The following INPP4B variants were observed in gnomAD, a reference collection of about 807,000 sequenced individuals.
INPP4B encodes inositol polyphosphate 4-phosphatase type II.
In INPP4B, 55 loss-of-function variants were observed where a neutral mutation model predicts 122.5. The ratio of observed to expected loss-of-function variants is 0.45; its 90% CI spans 0.36 to 0.56. The LOEUF (loss-of-function observed/expected upper bound fraction) is 0.56. Among genes scored for constraint, INPP4B ranks in the 20% least tolerant of loss-of-function variants. The pLI, the probability that INPP4B is intolerant of heterozygous loss-of-function variation, is 0.00. For missense variants in INPP4B, 1,000 were observed against 1,097.7 expected, an observed-to-expected ratio of 0.91 and a Z score of 1.26; for synonymous variants, 403 against 388.7, an observed-to-expected ratio of 1.04 and a Z score of -0.43.
chr4:142,791,727 G>A (rs151251159), intron 1 of INPP4B, among the ~76,000 whole-genome samples: 18 of 152,016 alleles, frequency 1.2e-4, no homozygotes, highest in South Asian at 6.2e-4. Flanking sequence ...TTCTTTTTGC[G>A]TTCGTTTTCA....
At chr4:142,355,904 A>G (rs939957561) in intron 7 of INPP4B, among the ~76,000 whole-genome samples, 1 of 151,644 alleles carries the variant, frequency 6.6e-6, no homozygotes, top group African/African-American at 2.4e-5. Flanking sequence ...TCACTTCTTC[A>G]ACTACTGAGT....
intron 2 of INPP4B, among the ~76,000 whole-genome samples, chr4:142,497,785 G>T (rs1822783474): frequency 6.6e-6 from 1 of 152,110 alleles, no homozygotes; most frequent in Non-Finnish European, 1.5e-5. Flanking sequence ...TAGAAAGCCT[G>T]TAGCATTCTT....
intron 2 of INPP4B, among the ~76,000 whole-genome samples, chr4:142,651,931 A>G (rs1413633793): frequency 6.6e-6 from 1 of 152,320 alleles, no homozygotes; most frequent in Non-Finnish European, 1.5e-5. Flanking sequence ...AAAGAATTTT[A>G]GACCAATACC....
chr4:142,647,636 C>T (rs1361011374), intron 2 of INPP4B, among the ~76,000 whole-genome samples: 1 of 152,168 alleles, frequency 6.6e-6, no homozygotes, highest in African/African-American at 2.4e-5. Flanking sequence ...AAATACCTAG[C>T]TAGAGAGAGG....
At chr4:142,751,336 T>C (rs1303885142) in intron 1 of INPP4B, among the ~76,000 whole-genome samples, 1 of 149,372 alleles carries the variant, frequency 6.7e-6, no homozygotes, top group East Asian at 2.0e-4. Context: ...ACCTCAAGTA[T>C]GGAGAGGGAG....
intron 1 of INPP4B, among the ~76,000 whole-genome samples, chr4:142,803,392 G>A (rs1023270751): frequency 4.6e-5 from 7 of 151,596 alleles, no homozygotes; most frequent in African/African-American, 1.7e-4. Flanking sequence ...GACATGAAAA[G>A]TGCTGAATAT....
In INPP4B at chr4:142,091,647, A is replaced by G. The variant is rs148914517; in HGVS notation, c.2375-5391T>C. On this transcript the variant is annotated intron_variant, in intron 23 of 25. Coordinates refer to ENST00000262992, the MANE Select transcript of INPP4B (RefSeq NM_001101669.3). Reference sequence around the variant, plus strand: ...CCATGACTATTCTCGTACCTCCCCAATGGAACAGAACAATCAAGTTGAGAG... The same window carrying G: ...CCATGACTATTCTCGTACCTCCCCAGTGGAACAGAACAATCAAGTTGAGAG... Among the ~76,000 whole-genome samples the G allele has an allele frequency of 5.2e-3, 788 of 152,266 alleles. 9 individuals carry two copies. Among genetic ancestry groups the G allele is most frequent in the African/African-American group, 0.018 (744 of 41,564 alleles).
intron 11 of INPP4B, among the ~76,000 whole-genome samples, chr4:142,251,040 C>T (rs1731755411): frequency 6.6e-6 from 1 of 152,102 alleles, no homozygotes; most frequent in Non-Finnish European, 1.5e-5. Flanking sequence ...ACACTTATGC[C>T]TTACAGAGTT....
Position 142,643,406 on chromosome 4 carries a change from A to G in INPP4B, c.-191+82433T>C, listed in dbSNP as rs766693175. 5.3e-5 allele frequency among the ~76,000 whole-genome samples: 8 copies of G among 152,300 alleles called. No homozygotes were observed. The South Asian group carries it at 6.2e-4, about 12-fold the overall frequency. ...ATCCAGTAAAACTATAAAGAAAAAC[A>G]AAAGATGTGAATAAAACAAAGTAAT... On this transcript the variant is annotated intron_variant, in intron 2 of 25. Coordinates refer to ENST00000262992, the MANE Select transcript of INPP4B (RefSeq NM_001101669.3).
intron 2 of INPP4B, among the ~76,000 whole-genome samples, chr4:142,475,462 T>C (rs550142623): frequency 1.2e-4 from 19 of 152,148 alleles, no homozygotes; most frequent in African/African-American, 4.1e-4. Flanking sequence ...ACAACCATAC[T>C]ACTTACCCAG....
At chr4:142,821,088 A>G (rs568648521) in intron 1 of INPP4B, among the ~76,000 whole-genome samples, 1 of 152,258 alleles carries the variant, frequency 6.6e-6, no homozygotes, top group East Asian at 1.9e-4. Flanking sequence ...TTATCTTCAC[A>G]ATATGCAGGC....
At chr4:142,808,056 C>T (rs932823791) in intron 1 of INPP4B, among the ~76,000 whole-genome samples, 1 of 151,238 alleles carries the variant, frequency 6.6e-6, no homozygotes, top group Non-Finnish European at 1.5e-5. Flanking sequence ...TGAACTCTTG[C>T]TATTTCTCTA....
intron 2 of INPP4B, among the ~76,000 whole-genome samples, chr4:142,556,956 A>T (rs1416125754): frequency 6.6e-6 from 1 of 152,210 alleles, no homozygotes; most frequent in African/African-American, 2.4e-5. Flanking sequence ...TATTAGATAC[A>T]TCAAAACCGA....
intron 7 of INPP4B, among the ~76,000 whole-genome samples, chr4:142,389,554 G>A (rs538799540): frequency 1.3e-5 from 2 of 152,294 alleles, no homozygotes; most frequent in Admixed American, 1.3e-4. Flanking sequence ...TTTGTTGAAT[G>A]CTTTAAGATC....
At chr4:142,138,150 T>C (rs947170894) in intron 18 of INPP4B, among the ~76,000 whole-genome samples, 4 of 151,386 alleles carry the variant, frequency 2.6e-5, no homozygotes, top group South Asian at 2.1e-4. Context: ...TGTCCAACAA[T>C]GATAGACTGG....
intron 23 of INPP4B, among the ~76,000 whole-genome samples, chr4:142,104,737 A>C (rs1345225193): frequency 6.6e-6 from 1 of 152,042 alleles, no homozygotes; most frequent in East Asian, 1.9e-4. Flanking sequence ...CAGATGCTCA[A>C]TTTTCTTATA....
At chr4:142,546,591 G>A (rs7655599) in intron 2 of INPP4B, among the ~76,000 whole-genome samples, 86,726 of 151,972 alleles carry the variant, frequency 0.57, 26,682 homozygotes, top group Non-Finnish European at 0.7. Flanking sequence ...ATGATTACGT[G>A]TCAACACGGA....
At chr4:142,428,837 C>T (rs1443984971) in intron 5 of INPP4B, among the ~76,000 whole-genome samples, 1 of 151,850 alleles carries the variant, frequency 6.6e-6, no homozygotes, top group Middle Eastern at 3.2e-3. Context: ...AGTCTCCAGT[C>T]CAGGTATAGA....
intron 1 of INPP4B, among the ~76,000 whole-genome samples, chr4:142,732,528 G>A (rs1766259994): frequency 6.6e-6 from 1 of 151,656 alleles, no homozygotes; most frequent in African/African-American, 2.4e-5. Flanking sequence ...TATTTTACAA[G>A]AACAAATTAT....
Sources: gnomAD v4.1 joint callset for allele counts (sites outside exome capture counted in the v4.1 genomes callset) on GRCh38, gnomAD v4.1.1 for gene constraint, MANE v1.5 for transcripts, NCBI Gene and HGNC (gene_info 2026-07-23, HGNC 2026-07-21) for gene names.